The following CEP350 variants were observed in gnomAD, a reference collection of about 807,000 sequenced individuals.
CEP350 encodes centrosomal protein 350, also known as centrosome-associated protein 350.
A neutral mutation model predicts 331.8 loss-of-function variants in CEP350; 126 were observed. That is an observed-to-expected ratio of 0.38 (90% CI 0.33 to 0.44). The LOEUF is 0.44. Among genes scored for constraint, CEP350 ranks in the 20% least tolerant of loss-of-function variants. The probability of loss-of-function intolerance (pLI) is 1.00; values close to 1 mark genes in which losing one functional copy is unlikely to be tolerated. For synonymous variants in CEP350, 1,200 were observed against 1,259.5 expected (o/e 0.95, Z 1.00); for missense variants, 3,406 against 3,634.6 (o/e 0.94, Z 1.62).
chr1:179,955,029 A>G lies in CEP350; in HGVS notation c.-127A>G. On this transcript the variant is annotated 5_prime_UTR_variant, in exon 1 of 38. Coordinates refer to ENST00000367607, the MANE Select transcript of CEP350 (RefSeq NM_014810.5). ...AGGAGGGCACCCGGTGCGTCCCCGG[A>G]GCGGGGAGGCCAGGCCGGGCAGCCC... is the stretch of plus-strand genomic sequence containing the variant. 7.5e-7 allele frequency: 1 copy of G among 1,329,218 alleles called. No individual in the cohort carries two copies. The highest frequency in any genetic ancestry group is 1.8e-5 in the South Asian group (1 of 55,850). 82.3% of individuals were successfully genotyped at this position (1,329,218 alleles called of 1,614,324 possible).
chr1:180,099,679 C>T (rs1184422990), intron 37 of CEP350, among the ~76,000 whole-genome samples: 4 of 151,690 alleles, frequency 2.6e-5, no homozygotes, highest in African/African-American at 9.7e-5. Flanking sequence ...TATCACCGTT[C>T]TCATGTATGT....
chr1:180,113,221 C>T lies in CEP350; in HGVS notation c.*2060C>T, dbSNP rs899567563. On this transcript the variant is annotated 3_prime_UTR_variant, in exon 38 of 38. Transcript: ENST00000367607. ...TGTTTGTAGGATCACGTTGTCCTTA[C>T]GATACTGAAACTTTACAGCTGCTGT... is the stretch of plus-strand genomic sequence containing the variant. The T allele has an allele frequency of 1.4e-4, 22 of 152,426 alleles. No individual in the cohort carries two copies. Among genetic ancestry groups the T allele is most frequent in the East Asian group, 5.8e-4 (3 of 5,188 alleles). 9.4% of individuals were successfully genotyped at this position (152,426 alleles called of 1,614,324 possible). A position where few individuals can be genotyped will look rare whatever the true frequency, so the allele number is the denominator to read the frequency against.
At chr1:179,965,611 TTTTC>T (rs1481458489) in intron 1 of CEP350, among the ~76,000 whole-genome samples, 4 of 116,918 alleles carry the variant, frequency 3.4e-5, no homozygotes, top group Admixed American at 1.1e-4. Context: ...TTTCTTTTTC[TTTTC>T]TTTTTTTTTT....
chr1:180,011,158 A>G (rs1230290015), intron 8 of CEP350, among the ~76,000 whole-genome samples: 2 of 152,150 alleles, frequency 1.3e-5, no homozygotes, highest in Non-Finnish European at 2.9e-5. Flanking sequence ...TAAAATGATT[A>G]TACTTTTTAA....
Position 180,037,109 on chromosome 1 carries a change from G to C in CEP350, c.4110+20G>C. Reference sequence around the variant, plus strand: ...ATAAAGGTATTTTTGGAGTTTTTTAGCTTTCTGTGGTTTTTCTTTTTTCTT... The same window carrying C: ...ATAAAGGTATTTTTGGAGTTTTTTACCTTTCTGTGGTTTTTCTTTTTTCTT... On this transcript the variant is annotated intron_variant, in intron 17 of 37. Transcript: ENST00000367607. 1.3e-6 allele frequency: 2 copies of C among 1,536,478 alleles called. No individual in the cohort carries two copies. The highest frequency in any genetic ancestry group is 1.7e-6 in the Non-Finnish European group (2 of 1,147,034).
At chr1:180,050,739 G>A (rs1657447968) in intron 22 of CEP350, among the ~76,000 whole-genome samples, 1 of 149,628 alleles carries the variant, frequency 6.7e-6, no homozygotes, top group Admixed American at 6.7e-5. Flanking sequence ...ACAAATGTAC[G>A]GAAGATCTGA....
chr1:180,009,979 C>T (rs558113278), intron 8 of CEP350, among the ~76,000 whole-genome samples: 12 of 152,006 alleles, frequency 7.9e-5, no homozygotes, highest in African/African-American at 2.7e-4. Flanking sequence ...TCACAGAAAG[C>T]TGGGAAAATA....
intron 21 of CEP350, among the ~76,000 whole-genome samples, chr1:180,046,772 A>G (rs973173150): frequency 4.6e-5 from 7 of 152,218 alleles, no homozygotes; most frequent in Admixed American, 1.3e-4. Flanking sequence ...AGGGGGGACC[A>G]TGCATACTTG....
intron 16 of CEP350, among the ~76,000 whole-genome samples, chr1:180,035,903 T>TA (rs1180590984): frequency 6.6e-6 from 1 of 152,180 alleles, no homozygotes; most frequent in Non-Finnish European, 1.5e-5. Flanking sequence ...ATAGCTGCCA[T>TA]AGATAGTGAT....
intron 5 of CEP350, among the ~76,000 whole-genome samples, chr1:179,993,457 C>T (rs1484826187): frequency 6.6e-6 from 1 of 152,140 alleles, no homozygotes; most frequent in Admixed American, 6.5e-5. Flanking sequence ...AGGTCTTGCT[C>T]TGTTGCCCAG....
intron 32 of CEP350, among the ~76,000 whole-genome samples, chr1:180,088,565 G>A (rs1659995711): frequency 6.6e-6 from 1 of 152,138 alleles, no homozygotes; most frequent in African/African-American, 2.4e-5. Context: ...TTACCTTTTA[G>A]AAAATGTGGA....
chr1:180,062,220 G>A lies in CEP350; in HGVS notation c.5263G>A (p.Ala1755Thr), dbSNP rs965788197. Residue 1755 changes from alanine (A) to threonine (T), a missense_variant and splice_region_variant, in exon 26 of 38, where the codon GCA becomes ACA. By Grantham distance (58) the Ala-to-Thr change is moderately conservative (BLOSUM62 0). Around this residue, in one of 5 missense-constraint regions of CEP350, gnomAD observed 1,415 missense variants for 1,512.3 expected, o/e 0.94. Coordinates refer to ENST00000367607, the MANE Select transcript of CEP350 (RefSeq NM_014810.5). ...CCTCTCTTAACTCTTTAAACCTTAG[G>A]CAGAAATAAAACGTCTTCAAGAAGC... ...GLLLRLQQEKAEIKRLQEANK... is the reference protein window; with the variant it reads ...GLLLRLQQEKTEIKRLQEANK... 3.7e-6 allele frequency: 6 copies of A among 1,606,650 alleles called. No homozygotes were observed. The highest frequency in any genetic ancestry group is 1.7e-5 in the Admixed American group (1 of 59,030).
At chr1:180,096,621 T>G (rs1300257318) in intron 36 of CEP350, among the ~76,000 whole-genome samples, 1 of 152,256 alleles carries the variant, frequency 6.6e-6, no homozygotes, top group South Asian at 2.1e-4. Context: ...GACACATAGG[T>G]GTTAACTTCT....
intron 15 of CEP350, among the ~76,000 whole-genome samples, 163 bp downstream of exon 15, chr1:180,031,657 C>T (rs1158194578): frequency 1.3e-5 from 2 of 152,094 alleles, no homozygotes; most frequent in South Asian, 2.1e-4. Flanking sequence ...GCTTTGTTCA[C>T]AGCTCTAATC....
rs1372182448 is a variant in CEP350, at chr1:180,093,545, T to C, written c.7440T>C (p.Thr2480=). 4.3e-6 allele frequency: 7 copies of C among 1,613,750 alleles called. No individual in the cohort carries two copies. The highest frequency in any genetic ancestry group is 5.9e-6 in the Non-Finnish European group (7 of 1,179,786). Residue 2480 remains threonine, a synonymous_variant, in exon 34 of 38, where the codon ACT becomes ACC. Coordinates refer to ENST00000367607, the MANE Select transcript of CEP350 (RefSeq NM_014810.5). ...ATGTGGAGCATGAACAGCAAGTTACTGAATCCCCTTCCTTGGCTTCAGTTC... is the reference window on the plus strand; with the variant it reads ...ATGTGGAGCATGAACAGCAAGTTACCGAATCCCCTTCCTTGGCTTCAGTTC... ...RSDVEHEQQV[T]ESPSLASVPT... is the part of the protein sequence containing the mutation.
At position 179,954,872 on chromosome 1, in the gene CEP350, G is replaced by C; in HGVS notation, c.-284G>C. On this transcript the variant is annotated 5_prime_UTR_variant, in exon 1 of 38. Transcript: ENST00000367607. ...CGAAGTGACTCCCGGGCCGGGGAGC[G>C]GGGCCAGACCTGCGCCAGAGAGAAC... The C allele has an allele frequency of 2.2e-6, 1 of 456,570 alleles. No homozygotes were observed. The highest frequency in any genetic ancestry group is 3.7e-6 in the Non-Finnish European group (1 of 271,488). The allele number at this position is 456,570 out of a possible 1,614,324, so 28.3% of individuals were successfully genotyped here. A position where few individuals can be genotyped will look rare whatever the true frequency, so the allele number is the denominator to read the frequency against.
intron 6 of CEP350, among the ~76,000 whole-genome samples, chr1:179,997,494 G>C (rs1653542016): frequency 7.0e-6 from 1 of 142,882 alleles, no homozygotes; most frequent in Non-Finnish European, 1.5e-5. Context: ...ACTGAGCCGA[G>C]ATCTCACCAC....
intron 37 of CEP350, among the ~76,000 whole-genome samples, chr1:180,107,670 A>G (rs1226160513): frequency 1.3e-5 from 2 of 152,220 alleles, no homozygotes; most frequent in Non-Finnish European, 2.9e-5. Flanking sequence ...TCCCGTCTCA[A>G]ACAAGTGTAA....
chr1:180,032,208 A>G (rs1003288065), intron 15 of CEP350, among the ~76,000 whole-genome samples: 2 of 152,048 alleles, frequency 1.3e-5, no homozygotes, highest in African/African-American at 2.4e-5. Context: ...TCATGTGTGC[A>G]CTGGTTTTGT....
Sources: gnomAD v4.1 joint callset for allele counts (sites outside exome capture counted in the v4.1 genomes callset) on GRCh38, gnomAD v4.1.1 for gene constraint, gnomAD v4.1.1 regional missense constraint, MANE v1.5 for transcripts, NCBI Gene and HGNC (gene_info 2026-07-23, HGNC 2026-07-21) for gene names.